Variants in FAM184B observed in about 807,000 individuals in gnomAD.
The protein encoded by FAM184B is family with sequence similarity 184 member B.
FAM184B carries 111 observed loss-of-function variants against 135.9 expected under a neutral mutation model. That is an observed-to-expected ratio of 0.82 (90% CI 0.70 to 0.96). The LOEUF (loss-of-function observed/expected upper bound fraction) is 0.96, where lower values mean the gene tolerates loss of function less well. Among genes scored for constraint, FAM184B ranks in the 40% least tolerant of loss-of-function variants. The probability of loss-of-function intolerance (pLI) is 0.00; values close to 1 mark genes in which losing one functional copy is unlikely to be tolerated. For missense variants in FAM184B, 1,375 were observed against 1,323.9 expected, an observed-to-expected ratio of 1.04 and a Z score of -0.60; for synonymous variants, 552 against 524.8, an observed-to-expected ratio of 1.05 and a Z score of -0.71.
At position 17,709,630 on chromosome 4, in the gene FAM184B, C is replaced by G; in HGVS notation, c.156G>C (p.Leu52=). The change falls in exon 2 of 18, where the codon CTG becomes CTC. Residue 52 remains leucine, a synonymous_variant. Transcript: ENST00000265018. ...IAQLTKVIYA[L]NTRQDEAEAS... ...CCTCAGCCTCATCCTGGCGGGTGTT[C>G]AGGGCATAAATCACCTGCAGGAAAA... The G allele has an allele frequency of 2.0e-6, 3 of 1,511,448 alleles. No individual in the cohort carries two copies. The highest frequency in any genetic ancestry group is 2.7e-6 in the Non-Finnish European group (3 of 1,131,232). The allele number at this position is 1,511,448 out of a possible 1,614,324, so 93.6% of individuals were successfully genotyped here. A position where few individuals can be genotyped will look rare whatever the true frequency, so the allele number is the denominator to read the frequency against.
chr4:17,693,899 T>C (rs1420516566), intron 5 of FAM184B, among the ~76,000 whole-genome samples: 1 of 150,872 alleles, frequency 6.6e-6, no homozygotes, highest in Non-Finnish European at 1.5e-5. Context: ...ATTGCTTGAG[T>C]CCGGGGGTTC....
intron 11 of FAM184B, among the ~76,000 whole-genome samples, chr4:17,651,068 G>T (rs1715602761): frequency 6.6e-6 from 1 of 152,120 alleles, no homozygotes; most frequent in Non-Finnish European, 1.5e-5. Context: ...CCCTGTCTAG[G>T]TTTGGAAGAA....
At chr4:17,644,230 T>G (rs919583835) in intron 12 of FAM184B, among the ~76,000 whole-genome samples, 2 of 152,202 alleles carry the variant, frequency 1.3e-5, no homozygotes, top group Non-Finnish European at 2.9e-5. Context: ...AAAGGCTTTA[T>G]GAAAAGTGAT....
chr4:17,778,858 C>G (rs1718980300), intron 1 of FAM184B, among the ~76,000 whole-genome samples: 1 of 152,014 alleles, frequency 6.6e-6, no homozygotes, highest in South Asian at 2.1e-4. Flanking sequence ...GACCCTGTCT[C>G]TTAAACAAAC....
chr4:17,690,869 G>C (rs1270094071), intron 6 of FAM184B, among the ~76,000 whole-genome samples: 1 of 152,122 alleles, frequency 6.6e-6, no homozygotes, highest in Admixed American at 6.6e-5. Flanking sequence ...GTGATGATAG[G>C]GCAGGATTGT....
At chr4:17,752,469 G>A (rs1205186076) in intron 1 of FAM184B, among the ~76,000 whole-genome samples, 2 of 152,070 alleles carry the variant, frequency 1.3e-5, no homozygotes, top group African/African-American at 2.4e-5. Context: ...CTATATAGAT[G>A]AACAAATAAA....
At chr4:17,708,750 T>A in intron 2 of FAM184B, 142 bp downstream of exon 2, 1 of 516,152 alleles carries the variant, frequency 1.9e-6, no homozygotes, top group Non-Finnish European at 3.2e-6. Flanking sequence ...GTGTAATGAA[T>A]GTAGGTGAAT....
Position 17,735,320 on chromosome 4 carries a change from TTAAAGTA to T in FAM184B, c.142-25683_142-25677del, listed in dbSNP as rs1394555529. ...ACATTGTGCACATGTACCCTAAAACTTAAAGTATAATAATAATGAAATAAAATTAAAT... is the reference window on the plus strand; with the variant it reads ...ACATTGTGCACATGTACCCTAAAACTTAATAATAATGAAATAAAATTAAAT... On this transcript the variant is annotated intron_variant, in intron 1 of 17. Coordinates refer to ENST00000265018, the MANE Select transcript of FAM184B (RefSeq NM_015688.2). 2.0e-5 allele frequency among the ~76,000 whole-genome samples: 3 copies of T among 151,528 alleles called. No individual in the cohort carries two copies. The East Asian group carries it at 5.8e-4, about 29-fold the overall frequency.
chr4:17,700,775 A>T (rs963894658), intron 5 of FAM184B, among the ~76,000 whole-genome samples: 2 of 152,218 alleles, frequency 1.3e-5, no homozygotes, highest in South Asian at 4.1e-4. Flanking sequence ...AAAGGAATGA[A>T]ATGACTGAAT....
intron 5 of FAM184B, among the ~76,000 whole-genome samples, chr4:17,696,712 CCGAGGCAGGAGGATCA>C (rs1229959429): frequency 8.6e-5 from 13 of 151,930 alleles, no homozygotes; most frequent in Admixed American, 8.5e-4. Flanking sequence ...ACTCAGGGGG[CCGAGGCAGGAGGATCA>C]CTTTAGCCCA....
chr4:17,636,024 G>C (rs1433853984), intron 15 of FAM184B, among the ~76,000 whole-genome samples: 3 of 136,648 alleles, frequency 2.2e-5, no homozygotes, highest in African/African-American at 7.9e-5. Flanking sequence ...AATGCTGTTG[G>C]ACTTGGGAGT....
chr4:17,664,693 A>G, intron 7 of FAM184B, 34 bp from the exon 8 acceptor site: 1 of 1,475,388 alleles, frequency 6.8e-7, no homozygotes. Flanking sequence ...AAAAAAAAAA[A>G]AGGCAAGATG....
Position 17,714,810 on chromosome 4 carries a change from C to A in FAM184B, c.142-5166G>T, listed in dbSNP as rs151338909. On this transcript the variant is annotated intron_variant, in intron 1 of 17. Coordinates refer to ENST00000265018, the MANE Select transcript of FAM184B (RefSeq NM_015688.2). The stretch of plus-strand genomic sequence containing the variant: ...CAGGGTGAGGGTAGCAGAGAGGGTA[C>A]CACATGGTGGGCTCACAATGTCTAA... Among the ~76,000 whole-genome samples, 336 of 152,220 alleles carry A rather than the reference C, an allele frequency of 2.2e-3. 1 individual carries two copies. The highest frequency in any genetic ancestry group is 7.7e-3 in the African/African-American group (322 of 41,550).
At chr4:17,772,453 C>T (rs571547516) in intron 1 of FAM184B, among the ~76,000 whole-genome samples, 46 of 152,236 alleles carry the variant, frequency 3.0e-4, no homozygotes, top group African/African-American at 1.1e-3. Context: ...GACTTTTGAC[C>T]TCTTGAACTT....
chr4:17,726,445 C>T (rs573234476), intron 1 of FAM184B, among the ~76,000 whole-genome samples: 1 of 152,254 alleles, frequency 6.6e-6, no homozygotes, highest in South Asian at 2.1e-4. Flanking sequence ...GATCTCAGCT[C>T]ACTGCAACCT....
At chr4:17,748,118 A>AAG (rs1553842365) in intron 1 of FAM184B, among the ~76,000 whole-genome samples, 35 of 150,494 alleles carry the variant, frequency 2.3e-4, no homozygotes, top group African/African-American at 8.5e-4. Flanking sequence ...AAAAAAAAAA[A>AAG]AAAAAGAAAA....
chr4:17,644,939 AACAG>A (rs1162350416), intron 12 of FAM184B, among the ~76,000 whole-genome samples: 2 of 152,288 alleles, frequency 1.3e-5, no homozygotes. Context: ...ATACACCAAT[AACAG>A]ACAAACAGAG....
intron 7 of FAM184B, among the ~76,000 whole-genome samples, chr4:17,666,672 C>G (rs1318396026): frequency 2.0e-5 from 3 of 151,560 alleles, no homozygotes; most frequent in African/African-American, 7.3e-5. Flanking sequence ...TCTCACCCCC[C>G]TCACTCTCTT....
intron 6 of FAM184B, 115 bp downstream of exon 6, chr4:17,693,187 G>A: frequency 1.4e-6 from 1 of 690,314 alleles, no homozygotes. Context: ...GAGACAGCCT[G>A]CCTGTCTGGC....
Sources: allele counts gnomAD v4.1 joint callset (sites outside exome capture counted in the v4.1 genomes callset), GRCh38; gene constraint gnomAD v4.1.1; transcripts MANE v1.5; gene names NCBI Gene and HGNC (gene_info 2026-07-23, HGNC 2026-07-21).